STXBP5L: variants seen among roughly 807,000 people sequenced by gnomAD.
The protein encoded by STXBP5L is syntaxin-binding protein 5-like.
Under a neutral mutation model 144.5 loss-of-function variants are expected in STXBP5L, and 65 were observed. The observed-to-expected ratio is 0.45, with a 90% confidence interval of 0.37 to 0.55. The LOEUF is 0.55. STXBP5L is among the 20% of genes least tolerant of loss of function. The pLI, the probability that STXBP5L is intolerant of heterozygous loss-of-function variation, is 0.00. For missense variants in STXBP5L, 1,298 were observed against 1,405.5 expected (o/e 0.92, Z 1.22); for synonymous variants, 505 against 469.6 (o/e 1.08, Z -0.97).
intron 18 of STXBP5L, among the ~76,000 whole-genome samples, chr3:121,270,100 T>C (rs1028790942): frequency 6.6e-6 from 1 of 152,186 alleles, no homozygotes. Flanking sequence ...TGTTGTGATA[T>C]TGGGCTTTTG....
rs1371987777 is a variant in STXBP5L, at chr3:121,420,181, T to C, written c.*1084T>C. 1.3e-5 allele frequency: 2 copies of C among 152,286 alleles called. No individual in the cohort carries two copies. The highest frequency in any genetic ancestry group is 1.3e-4 in the Admixed American group (2 of 15,290). The allele number at this position is 152,286 out of a possible 1,614,324, so 9.4% of individuals were successfully genotyped here. ...TGATTCAGTAAAATCTCAGTTAATG[T>C]TTTGGGAAAGGGATTCTGATTTATG... On this transcript the variant is annotated 3_prime_UTR_variant, in exon 27 of 27. Transcript: ENST00000471454.
chr3:121,208,802 T>A (rs1263718601), intron 10 of STXBP5L, among the ~76,000 whole-genome samples: 2 of 152,114 alleles, frequency 1.3e-5, no homozygotes, highest in East Asian at 3.8e-4. Context: ...AGTTTTGGAA[T>A]ACATGTGTAA....
At chr3:121,413,045 A>T (rs1453685134) in intron 23 of STXBP5L, 113 bp from the exon 24 acceptor site, 4 of 926,210 alleles carry the variant, frequency 4.3e-6, no homozygotes, top group Non-Finnish European at 5.9e-6. Flanking sequence ...TATAAAAATA[A>T]AAAAATAAAA....
chr3:121,323,856 C>T (rs1364922846), intron 20 of STXBP5L, among the ~76,000 whole-genome samples: 6 of 152,082 alleles, frequency 3.9e-5, no homozygotes, highest in Admixed American at 6.5e-5. Context: ...AGGACTACAA[C>T]CTCTTAAAGA....
At chr3:121,281,224 AC>A (rs2051048173) in intron 19 of STXBP5L, among the ~76,000 whole-genome samples, 1 of 151,932 alleles carries the variant, frequency 6.6e-6, no homozygotes, top group Admixed American at 6.6e-5. Flanking sequence ...ACCAGTTTAG[AC>A]CCTTTTGAGG....
At chr3:121,222,932 T>C (rs1181198743) in intron 10 of STXBP5L, 71 bp from the exon 11 acceptor site, 3 of 1,476,888 alleles carry the variant, frequency 2.0e-6, no homozygotes, top group Non-Finnish European at 2.7e-6. Context: ...CTGTTCTTTA[T>C]AGGTTCAGTC....
chr3:121,059,532 G>T (rs1262163137), intron 5 of STXBP5L, among the ~76,000 whole-genome samples: 4 of 152,104 alleles, frequency 2.6e-5, no homozygotes, highest in Non-Finnish European at 4.4e-5. Flanking sequence ...GTAGCTTGAT[G>T]GGGATAGCAT....
At chr3:121,269,413 A>G (rs1273557844) in intron 18 of STXBP5L, among the ~76,000 whole-genome samples, 2 of 151,462 alleles carry the variant, frequency 1.3e-5, no homozygotes, top group South Asian at 2.1e-4. Context: ...ACAGTATTAT[A>G]TGTGTGTGTG....
intron 22 of STXBP5L, among the ~76,000 whole-genome samples, chr3:121,400,324 G>A (rs528315407): frequency 6.6e-6 from 1 of 152,150 alleles, no homozygotes; most frequent in Non-Finnish European, 1.5e-5. Context: ...GGTGGTCGGG[G>A]TCAGGCACAT....
At chr3:121,375,717 G>A (rs2046162183) in intron 20 of STXBP5L, among the ~76,000 whole-genome samples, 1 of 152,142 alleles carries the variant, frequency 6.6e-6, no homozygotes, top group Non-Finnish European at 1.5e-5. Flanking sequence ...TGCACTATCT[G>A]CAAGGGAATC....
At chr3:121,135,411 G>A (rs1213021873) in intron 7 of STXBP5L, among the ~76,000 whole-genome samples, 1 of 152,154 alleles carries the variant, frequency 6.6e-6, no homozygotes, top group Non-Finnish European at 1.5e-5. Flanking sequence ...ACTCTTCAGT[G>A]ATAGTCACCC....
intron 9 of STXBP5L, among the ~76,000 whole-genome samples, chr3:121,179,677 T>C (rs2047065777): frequency 1.3e-5 from 2 of 151,824 alleles, no homozygotes; most frequent in Admixed American, 1.3e-4. Context: ...CTTAAAGAAA[T>C]TAAAAAATAT....
intron 20 of STXBP5L, among the ~76,000 whole-genome samples, chr3:121,375,567 A>T (rs2046157176): frequency 6.6e-6 from 1 of 152,184 alleles, no homozygotes; most frequent in Non-Finnish European, 1.5e-5. Flanking sequence ...AGAGAAAAAA[A>T]CACCTACATT....
intron 3 of STXBP5L, among the ~76,000 whole-genome samples, chr3:121,036,949 T>A (rs190168301): frequency 1.2e-4 from 19 of 152,042 alleles, no homozygotes; most frequent in Admixed American, 1.1e-3. Context: ...TTTTTAGAGA[T>A]GAGGTCTTTC....
chr3:121,331,825 A>C (rs1448968082), intron 20 of STXBP5L, among the ~76,000 whole-genome samples: 3 of 152,152 alleles, frequency 2.0e-5, no homozygotes, highest in Non-Finnish European at 4.4e-5. Context: ...TAACTAAATA[A>C]AAAAGTGCAC....
chr3:121,183,944 A>G (rs7633823), intron 9 of STXBP5L, among the ~76,000 whole-genome samples: 15,035 of 152,014 alleles, frequency 0.099, 1,167 homozygotes, highest in Admixed American at 0.2. Flanking sequence ...GACCTCCAGC[A>G]AACTCCAGCA....
intron 9 of STXBP5L, among the ~76,000 whole-genome samples, chr3:121,173,887 G>C (rs563665502): frequency 2.0e-5 from 3 of 148,710 alleles, no homozygotes; most frequent in African/African-American, 7.6e-5. Flanking sequence ...TCCAGCATCA[G>C]TAGTGGCACT....
intron 9 of STXBP5L, among the ~76,000 whole-genome samples, chr3:121,173,350 A>AATAATAATAATG (rs56722057): frequency 2.8e-5 from 4 of 142,336 alleles, no homozygotes; most frequent in Non-Finnish European, 4.6e-5. Flanking sequence ...TAATAATAAT[A>AATAATAATAATG]ATGATAATAG....
At chr3:121,207,503 G>A (rs1017759765) in intron 10 of STXBP5L, among the ~76,000 whole-genome samples, 1 of 152,154 alleles carries the variant, frequency 6.6e-6, no homozygotes, top group African/African-American at 2.4e-5. Context: ...AAACTAGAGA[G>A]CTTCTGTCTG....
Sources: allele counts gnomAD v4.1 joint callset (sites outside exome capture counted in the v4.1 genomes callset), GRCh38; gene constraint gnomAD v4.1.1; transcripts MANE v1.5; gene names NCBI Gene and HGNC (gene_info 2026-07-23, HGNC 2026-07-21).